Variants in RAB6A observed in about 807,000 individuals in gnomAD.
RAB6A encodes the protein RAB6A, member RAS oncogene family, also known as ras-related protein Rab-6A.
RAB6A carries 8 observed loss-of-function variants against 32.3 expected under a neutral mutation model. That is an observed-to-expected ratio of 0.25 (90% CI 0.15 to 0.45). RAB6A has a LOEUF of 0.45. Ranked by LOEUF, RAB6A falls within the 20% of genes least tolerant of loss-of-function variation. The pLI, the probability that RAB6A is intolerant of heterozygous loss-of-function variation, is 1.00. For missense variants in RAB6A, 104 were observed against 249.4 expected (o/e 0.42, Z 3.93); for synonymous variants, 73 against 82.1 (o/e 0.89, Z 0.60).
At chr11:73,706,812 G>T (rs1945853510) in intron 6 of RAB6A, among the ~76,000 whole-genome samples, 1 of 151,998 alleles carries the variant, frequency 6.6e-6, no homozygotes, top group Non-Finnish European at 1.5e-5. Context: ...CTCAGTCTTG[G>T]CATCAAACTC....
intron 6 of RAB6A, among the ~76,000 whole-genome samples, chr11:73,698,623 C>G (rs1006581595): frequency 6.6e-6 from 1 of 151,978 alleles, no homozygotes; most frequent in African/African-American, 2.4e-5. Flanking sequence ...ACATAGATTC[C>G]TTCTTGTATT....
chr11:73,684,820 A>C (rs1170437583), intron 6 of RAB6A, among the ~76,000 whole-genome samples: 1 of 152,248 alleles, frequency 6.6e-6, no homozygotes, highest in Non-Finnish European at 1.5e-5. Flanking sequence ...AAGAATGCTT[A>C]TGTAGTCCAG....
chr11:73,729,064 A>G (rs969993844), intron 2 of RAB6A, among the ~76,000 whole-genome samples: 3 of 152,060 alleles, frequency 2.0e-5, no homozygotes, highest in Non-Finnish European at 4.4e-5. Flanking sequence ...ATTAGTTAGC[A>G]TTTAATTGTT....
At chr11:73,733,977 TTACTA>T (rs1288283920) in intron 1 of RAB6A, among the ~76,000 whole-genome samples, 1 of 152,184 alleles carries the variant, frequency 6.6e-6, no homozygotes, top group East Asian at 1.9e-4. Context: ...GTAAAACACT[TTACTA>T]TATATGTATC....
intron 5 of RAB6A, among the ~76,000 whole-genome samples, chr11:73,710,731 A>G (rs910644197): frequency 6.6e-6 from 1 of 151,108 alleles, no homozygotes; most frequent in Non-Finnish European, 1.5e-5. Context: ...AGAGAGACTC[A>G]GTCTTGAAAA....
intron 3 of RAB6A, among the ~76,000 whole-genome samples, chr11:73,720,273 T>C (rs1010486983): frequency 6.7e-6 from 1 of 150,274 alleles, no homozygotes; most frequent in Non-Finnish European, 1.5e-5. Flanking sequence ...CTCTGCATCC[T>C]GGATTCAAGC....
intron 6 of RAB6A, among the ~76,000 whole-genome samples, chr11:73,699,719 T>C (rs942960392): frequency 6.6e-5 from 10 of 152,186 alleles, no homozygotes; most frequent in Admixed American, 4.6e-4. Context: ...AGGAACCACA[T>C]TTTACATAAC....
At chr11:73,727,845 T>G (rs1946245498) in intron 2 of RAB6A, among the ~76,000 whole-genome samples, 1 of 152,210 alleles carries the variant, frequency 6.6e-6, no homozygotes, top group African/African-American at 2.4e-5. Flanking sequence ...ATTTGCTATA[T>G]TACAAAGACA....
chr11:73,746,795 T>C (rs2135004705), intron 1 of RAB6A, among the ~76,000 whole-genome samples: 1 of 150,758 alleles, frequency 6.6e-6, no homozygotes, highest in East Asian at 1.9e-4. Flanking sequence ...AAGTGAGTTG[T>C]AGAACCAGAC....
chr11:73,708,719 T>A (rs1945891301), intron 5 of RAB6A, among the ~76,000 whole-genome samples: 1 of 152,204 alleles, frequency 6.6e-6, no homozygotes, highest in African/African-American at 2.4e-5. Context: ...AGATTTAAAC[T>A]ATCAGCTGAC....
chr11:73,722,330 TATATA>T (rs1946150434), intron 2 of RAB6A: 4 of 11,484 alleles, frequency 3.5e-4, no homozygotes, highest in African/African-American at 1.2e-3. Context: ...TATATATATA[TATATA>T]TATATATATT....
At chr11:73,759,485 G>T (rs780346714) in intron 1 of RAB6A, among the ~76,000 whole-genome samples, 1 of 152,080 alleles carries the variant, frequency 6.6e-6, no homozygotes, top group Non-Finnish European at 1.5e-5. Flanking sequence ...AAGCATAAAA[G>T]AATTATTTAG....
At chr11:73,744,978 G>GA (rs58654043) in intron 1 of RAB6A, among the ~76,000 whole-genome samples, 6,771 of 83,030 alleles carry the variant, frequency 0.082, 203 homozygotes, top group African/African-American at 0.13. Flanking sequence ...CATCTCAAAA[G>GA]AAAAAAAAAA....
At position 73,751,983 on chromosome 11, in the gene RAB6A, T is replaced by C. The variant is rs114639632; in HGVS notation, c.70+8583A>G. Among the ~76,000 whole-genome samples, 756 of 152,090 alleles carry C rather than the reference T, an allele frequency of 5.0e-3. 8 individuals carry two copies. The highest frequency in any genetic ancestry group is 0.017 in the African/African-American group (691 of 41,474). On this transcript the variant is annotated intron_variant, in intron 1 of 7. Transcript: ENST00000336083. Reference sequence around the variant, plus strand: ...CAACTCTCAGTGCTCACCTCTTAAATAGAAGCAAATAGCCAAGAAACACTA... The same window carrying C: ...CAACTCTCAGTGCTCACCTCTTAAACAGAAGCAAATAGCCAAGAAACACTA...
intron 6 of RAB6A, among the ~76,000 whole-genome samples, chr11:73,696,844 T>TCCTC (rs1373912727): frequency 6.6e-6 from 1 of 151,740 alleles, no homozygotes; most frequent in Non-Finnish European, 1.5e-5. Flanking sequence ...GTTCAAGCAG[T>TCCTC]CCTCCCACCT....
chr11:73,722,335 ATATATATATTT>A (rs1217558075), intron 2 of RAB6A: 36 of 11,068 alleles, frequency 3.3e-3, no homozygotes, highest in Non-Finnish European at 5.6e-3. Flanking sequence ...ATATATATAT[ATATATATATTT>A]TTTTTTTTTT....
At chr11:73,697,608 A>C (rs1945674602) in intron 6 of RAB6A, among the ~76,000 whole-genome samples, 1 of 152,080 alleles carries the variant, frequency 6.6e-6, no homozygotes, top group South Asian at 2.1e-4. Context: ...CAGTCTCCCA[A>C]AACACTGGGA....
intron 6 of RAB6A, among the ~76,000 whole-genome samples, chr11:73,695,679 C>T (rs748839202): frequency 7.9e-5 from 12 of 152,164 alleles, no homozygotes; most frequent in Non-Finnish European, 1.2e-4. Context: ...TGCACCCAGC[C>T]GAGAATCCAC....
intron 1 of RAB6A, among the ~76,000 whole-genome samples, chr11:73,750,932 T>C (rs1162790677): frequency 1.3e-5 from 2 of 151,994 alleles, no homozygotes; most frequent in South Asian, 2.1e-4. Context: ...GCCTCCCAAG[T>C]AGCTGGGACT....
Sources: allele counts gnomAD v4.1 joint callset (sites outside exome capture counted in the v4.1 genomes callset), GRCh38; gene constraint gnomAD v4.1.1; transcripts MANE v1.5; gene names NCBI Gene and HGNC (gene_info 2026-07-23, HGNC 2026-07-21).